ZNF331: variants seen among roughly 807,000 people sequenced by gnomAD.
ZNF331 encodes the protein C2H2-like zinc finger protein rearranged in thyroid adenomas.
A neutral mutation model predicts 7.0 loss-of-function variants in ZNF331; 2 were observed. That is an observed-to-expected ratio of 0.29 (90% CI 0.12 to 0.90). ZNF331 has a LOEUF of 0.90. Among genes scored for constraint, ZNF331 ranks in the 40% least tolerant of loss-of-function variants. The pLI, the probability that ZNF331 is intolerant of heterozygous loss-of-function variation, is 0.58. For synonymous variants in ZNF331, 196 were observed against 205.4 expected (o/e 0.95, Z 0.39); for missense variants, 432 against 587.7 (o/e 0.74, Z 2.74).
chr19:53,520,880 G>A (rs768530935), upstream of ZNF331: 2 of 151,608 alleles, frequency 1.3e-5, no homozygotes, highest in Non-Finnish European at 2.9e-5. Context: ...TGGATTTCCG[G>A]GTTATGGACT....
At chr19:53,559,826 GTA>G in intron 3 of ZNF331, among the ~76,000 whole-genome samples, 1 of 147,492 alleles carries the variant, frequency 6.8e-6, no homozygotes, top group East Asian at 2.0e-4. Flanking sequence ...CATAACACAC[GTA>G]TATACATATA....
chr19:53,545,644 C>T (rs1474530743), intron 2 of ZNF331, among the ~76,000 whole-genome samples: 1 of 152,258 alleles, frequency 6.6e-6, no homozygotes, highest in Non-Finnish European at 1.5e-5. Flanking sequence ...GACTCACAGT[C>T]TGCCACTTGT....
rs182476296 is a variant in ZNF331 at position 53,545,026 on chromosome 19, T to G, written c.-138+5744T>G. 4.4e-3 allele frequency among the ~76,000 whole-genome samples: 673 copies of G among 152,296 alleles called. 7 individuals carry two copies. Among genetic ancestry groups the G allele is most frequent in the African/African-American group, 0.015 (617 of 41,572 alleles). On this transcript the variant is annotated intron_variant, in intron 2 of 5. Coordinates refer to ENST00000449416, the MANE Select transcript of ZNF331 (RefSeq NM_001079906.2). ...GGCATGAGCCACCATGCCCGGCCTGTACTGTAGTTTTATAAGGTATCACTA... is the reference window on the plus strand; with the variant it reads ...GGCATGAGCCACCATGCCCGGCCTGGACTGTAGTTTTATAAGGTATCACTA...
chr19:53,543,464 A>G (rs1282354456), intron 2 of ZNF331, among the ~76,000 whole-genome samples: 3 of 151,420 alleles, frequency 2.0e-5, no homozygotes, highest in Non-Finnish European at 4.4e-5. Context: ...GGGTTTCACC[A>G]CGTTGGCCAG....
At chr19:53,517,927 T>C (rs1466841365), upstream of ZNF331, among the ~76,000 whole-genome samples, 1 of 152,216 alleles carries the variant, frequency 6.6e-6, no homozygotes, top group East Asian at 1.9e-4. Context: ...ATGAGCCGCC[T>C]GGAGTTCCCA....
chr19:53,507,234 T>C, the ZNF331 span, among the ~76,000 whole-genome samples: 1 of 152,174 alleles, frequency 6.6e-6, no homozygotes, highest in East Asian at 1.9e-4. Context: ...CTAGTTGCCC[T>C]GACGCAATCC....
chr19:53,576,691 TCCCAGA>T lies in ZNF331; in HGVS notation c.137-5_137del, dbSNP rs1369485023. 3 of 1,586,552 alleles carry T rather than the reference TCCCAGA, an allele frequency of 1.9e-6. No homozygotes were observed. The Admixed American group carries it at 5.6e-5, about 30-fold the overall frequency. On this transcript the variant is annotated splice_acceptor_variant and splice_polypyrimidine_tract_variant and coding_sequence_variant and intron_variant, in exon 6 of 6. Coordinates refer to ENST00000449416, the MANE Select transcript of ZNF331 (RefSeq NM_001079906.2). LOFTEE classifies it high-confidence loss of function. ...AAAGGAAAGAAAATATGTTCTTTTT[TCCCAGA>T]TTTGGAGTCAGCATATGAAAATAAG...
upstream of ZNF331, chr19:53,537,532 C>A (rs988114506): frequency 2.6e-5 from 4 of 152,336 alleles, no homozygotes; most frequent in African/African-American, 9.6e-5. Context: ...TCTGCAGGGA[C>A]CAGGAAGGGC....
At chr19:53,520,867 C>G (rs2087044721), upstream of ZNF331, 1 of 151,922 alleles carries the variant, frequency 6.6e-6, no homozygotes, top group Non-Finnish European at 1.5e-5. Context: ...GCTTCCAACT[C>G]TGTGGATTTC....
At chr19:53,535,905 A>G (rs2087730594), upstream of ZNF331, among the ~76,000 whole-genome samples, 1 of 151,852 alleles carries the variant, frequency 6.6e-6, no homozygotes, top group Admixed American at 6.6e-5. Flanking sequence ...TCCCAGGTTC[A>G]AGCGAATCTC....
chr19:53,546,441 GCCCTCT>G (rs2088620935), intron 2 of ZNF331, among the ~76,000 whole-genome samples: 1 of 151,632 alleles, frequency 6.6e-6, no homozygotes, highest in Admixed American at 6.6e-5. Flanking sequence ...TGGTTGACCA[GCCCTCT>G]CCTTTGAGTA....
rs913475096 is a variant in ZNF331 at position 53,560,979 on chromosome 19, C to T, written c.-74+5071C>T. Among the ~76,000 whole-genome samples, 16 of 152,166 alleles carry T rather than the reference C, an allele frequency of 1.1e-4. 1 individual carries two copies. The highest frequency in any genetic ancestry group is 3.4e-3 in the Middle Eastern group (1 of 294). On this transcript the variant is annotated intron_variant, in intron 3 of 5. Coordinates refer to ENST00000449416, the MANE Select transcript of ZNF331 (RefSeq NM_001079906.2). The surrounding 1 kb of genome is among the most constrained non-coding windows in gnomAD (Gnocchi z 4.3). ...CACATTTGAGAGGTGGGCAAAGTGG[C>T]AAGATCCCACCTCTACAAAAATACA...
chr19:53,569,574 T>C (rs2090337862), intron 4 of ZNF331, among the ~76,000 whole-genome samples, 189 bp downstream of exon 4: 1 of 152,150 alleles, frequency 6.6e-6, no homozygotes, highest in Non-Finnish European at 1.5e-5. Context: ...ACTGAGCAGG[T>C]GATTAAGTAT....
the ZNF331 span, among the ~76,000 whole-genome samples, chr19:53,509,804 G>A: frequency 5.9e-5 from 9 of 152,158 alleles, no homozygotes; most frequent in Non-Finnish European, 1.0e-4. Context: ...CTACCTGAGC[G>A]GGTAATTTAT....
chr19:53,563,425 T>C (rs2089996142), intron 3 of ZNF331, among the ~76,000 whole-genome samples: 3 of 152,178 alleles, frequency 2.0e-5, no homozygotes, highest in Non-Finnish European at 4.4e-5. Context: ...CTCTTTTCTC[T>C]ACTTACTGGT....
intron 2 of ZNF331, chr19:53,523,633 A>G (rs1241439117): frequency 6.8e-6 from 1 of 147,838 alleles, no homozygotes; most frequent in African/African-American, 2.5e-5. Flanking sequence ...ATTTCCTTCT[A>G]CTCCATAGGT....
rs1001540408 is a variant in ZNF331, at chr19:53,560,410, T to C, written c.-74+4502T>C. On this transcript the variant is annotated intron_variant, in intron 3 of 5. Transcript: ENST00000449416. This position sits in a 1 kb window ranked among gnomAD's most constrained non-coding sequence, Gnocchi z 4.3. ...ATATACACAAACATACACACAATTA[T>C]ATCACAAGGTCTGATTGTATTACTG... Among the ~76,000 whole-genome samples, 11 of 152,124 alleles carry C rather than the reference T, an allele frequency of 7.2e-5. No homozygotes were observed. The highest frequency in any genetic ancestry group is 2.7e-4 in the African/African-American group (11 of 41,400).
At chr19:53,534,597 C>A (rs574376395), upstream of ZNF331, among the ~76,000 whole-genome samples, 25 of 152,186 alleles carry the variant, frequency 1.6e-4, no homozygotes, top group African/African-American at 5.5e-4. Flanking sequence ...TATCCTACAC[C>A]TTTAAACCCA....
Position 53,558,351 on chromosome 19 carries a change from G to T in ZNF331, c.-74+2443G>T, listed in dbSNP as rs1056624594. ...AGGAGCTTCTGTTCCCGTGGAATTG[G>T]GGTGCGCCACCTTTTCAGAGTTCTT... On this transcript the variant is annotated intron_variant, in intron 3 of 5. Coordinates refer to ENST00000449416, the MANE Select transcript of ZNF331 (RefSeq NM_001079906.2). This position sits in a 1 kb window ranked among gnomAD's most constrained non-coding sequence, Gnocchi z 4.5. Among the ~76,000 whole-genome samples, 2 of 152,078 alleles carry T rather than the reference G, an allele frequency of 1.3e-5. No homozygotes were observed. Among genetic ancestry groups the T allele is most frequent in the African/African-American group, 4.8e-5 (2 of 41,396 alleles).
Sources: gnomAD v4.1 joint callset for allele counts (sites outside exome capture counted in the v4.1 genomes callset) on GRCh38, gnomAD v4.1.1 for gene constraint, Gnocchi (gnomAD v3.1) non-coding constraint, MANE v1.5 for transcripts, NCBI Gene and HGNC (gene_info 2026-07-23, HGNC 2026-07-21) for gene names.